Variants in CADM1 observed in about 807,000 individuals in gnomAD.
CADM1 encodes the protein TSLC-1.
Under a neutral mutation model 53.1 loss-of-function variants are expected in CADM1, and 15 were observed. The ratio of observed to expected loss-of-function variants is 0.28; its 90% confidence interval spans 0.19 to 0.44. The LOEUF is 0.44. CADM1 is among the 20% of genes least tolerant of loss of function. The probability of loss-of-function intolerance (pLI) is 1.00; values close to 1 mark genes in which losing one functional copy is unlikely to be tolerated. For missense variants in CADM1, 434 were observed against 611.3 expected, an observed-to-expected ratio of 0.71 and a Z score of 3.06; for synonymous variants, 281 against 243.0, an observed-to-expected ratio of 1.16 and a Z score of -1.45.
chr11:115,253,989 A>G (rs1942692567), intron 1 of CADM1, among the ~76,000 whole-genome samples: 1 of 152,200 alleles, frequency 6.6e-6, no homozygotes, highest in Non-Finnish European at 1.5e-5. Context: ...ATTCTCACAC[A>G]TAATAATGGG....
intron 1 of CADM1, among the ~76,000 whole-genome samples, chr11:115,465,783 CT>C (rs138526424): frequency 0.28 from 41,950 of 151,834 alleles, 6,543 homozygotes; most frequent in Non-Finnish European, 0.37. Context: ...GCCTCTATAA[CT>C]TTTTACAGGC....
chr11:115,477,524 T>G (rs568170027), intron 1 of CADM1, among the ~76,000 whole-genome samples: 1 of 152,248 alleles, frequency 6.6e-6, no homozygotes, highest in Non-Finnish European at 1.5e-5. Context: ...GTCAACACTG[T>G]GACCTAAAGT....
intron 8 of CADM1, among the ~76,000 whole-genome samples, chr11:115,201,313 T>C (rs534609867): frequency 4.7e-4 from 71 of 152,262 alleles, no homozygotes; most frequent in Non-Finnish European, 8.7e-4. Flanking sequence ...GGTATGCTAC[T>C]TGAACAGAGG....
Position 115,494,511 on chromosome 11 carries a change from T to A in CADM1, c.124+9760A>T, listed in dbSNP as rs1206681147. Among the ~76,000 whole-genome samples, 3 of 152,114 alleles carry A rather than the reference T, an allele frequency of 2.0e-5. No individual in the cohort carries two copies. The East Asian group carries it at 5.8e-4, about 29-fold the overall frequency. ...AATTAGAGATTATAATCATTGTCAGTTTCCCCAAGATTACAAAATGATTCC... is the reference window on the plus strand; with the variant it reads ...AATTAGAGATTATAATCATTGTCAGATTCCCCAAGATTACAAAATGATTCC... On this transcript the variant is annotated intron_variant, in intron 1 of 11. Coordinates refer to ENST00000331581, the MANE Select transcript of CADM1 (RefSeq NM_001301043.2).
At chr11:115,448,625 C>T (rs1948504084) in intron 1 of CADM1, among the ~76,000 whole-genome samples, 1 of 150,380 alleles carries the variant, frequency 6.6e-6, no homozygotes, top group South Asian at 2.1e-4. Context: ...AGAACATTTC[C>T]CAGCCAAGAA....
intron 1 of CADM1, among the ~76,000 whole-genome samples, chr11:115,440,235 A>G (rs1403128168): frequency 1.3e-5 from 2 of 152,204 alleles, no homozygotes; most frequent in South Asian, 2.1e-4. Flanking sequence ...TGGATACGCT[A>G]AACAGCAAAC....
chr11:115,424,114 G>A (rs1200809662), intron 1 of CADM1, among the ~76,000 whole-genome samples: 1 of 152,186 alleles, frequency 6.6e-6, no homozygotes, highest in Non-Finnish European at 1.5e-5. Flanking sequence ...TATCGAGGTG[G>A]GGAAACGACA....
At chr11:115,473,572 G>C (rs1949062869) in intron 1 of CADM1, among the ~76,000 whole-genome samples, 1 of 152,152 alleles carries the variant, frequency 6.6e-6, no homozygotes, top group Non-Finnish European at 1.5e-5. Context: ...CAGGTGCAAA[G>C]TCAGTTAAAA....
At chr11:115,288,275 C>T (rs1943784395) in intron 1 of CADM1, among the ~76,000 whole-genome samples, 1 of 152,046 alleles carries the variant, frequency 6.6e-6, no homozygotes, top group Non-Finnish European at 1.5e-5. Flanking sequence ...CTAGCAGGAC[C>T]TCACACATAG....
chr11:115,415,823 CAAAAAAAAAAAAAAA>C (rs71066426), intron 1 of CADM1, among the ~76,000 whole-genome samples: 3 of 43,660 alleles, frequency 6.9e-5, no homozygotes, highest in East Asian at 1.1e-3. Flanking sequence ...AGACTGTCTC[CAAAAAAAAAAAAAAA>C]AAAAAAAAAA....
chr11:115,422,288 A>G (rs1193527712), intron 1 of CADM1, among the ~76,000 whole-genome samples: 1 of 152,198 alleles, frequency 6.6e-6, no homozygotes, highest in Non-Finnish European at 1.5e-5. Context: ...TTTAAACATA[A>G]TACTCAAGTT....
intron 1 of CADM1, among the ~76,000 whole-genome samples, chr11:115,390,884 T>C (rs950119741): frequency 1.3e-5 from 2 of 152,222 alleles, no homozygotes; most frequent in Non-Finnish European, 2.9e-5. Flanking sequence ...GCCAATAAAA[T>C]AATTAAAATT....
intron 1 of CADM1, among the ~76,000 whole-genome samples, chr11:115,286,485 T>G (rs1436873484): frequency 6.6e-6 from 1 of 152,228 alleles, no homozygotes; most frequent in Admixed American, 6.5e-5. Context: ...GGAGTTTAAA[T>G]GCAGTGACCT....
chr11:115,178,310 T>G (rs1474563702), intron 11 of CADM1, among the ~76,000 whole-genome samples: 1 of 152,118 alleles, frequency 6.6e-6, no homozygotes, highest in Non-Finnish European at 1.5e-5. Flanking sequence ...CTTTGCGGCT[T>G]CATGCCACAC....
chr11:115,498,362 T>C (rs1284999532), intron 1 of CADM1, among the ~76,000 whole-genome samples: 1 of 152,240 alleles, frequency 6.6e-6, no homozygotes, highest in Non-Finnish European at 1.5e-5. Context: ...ATTTATACCA[T>C]GGAGGCCTTT....
chr11:115,296,561 C>T (rs899422165), intron 1 of CADM1, among the ~76,000 whole-genome samples: 2 of 152,144 alleles, frequency 1.3e-5, no homozygotes, highest in Non-Finnish European at 2.9e-5. Flanking sequence ...CTTCAGGTTT[C>T]CTCCTCTTTG....
At chr11:115,396,372 T>C (rs1217856976) in intron 1 of CADM1, among the ~76,000 whole-genome samples, 1 of 152,224 alleles carries the variant, frequency 6.6e-6, no homozygotes. Flanking sequence ...TAGCATAGGA[T>C]TAAAAACATA....
chr11:115,472,029 C>A (rs941870536), intron 1 of CADM1, among the ~76,000 whole-genome samples: 1 of 152,142 alleles, frequency 6.6e-6, no homozygotes, highest in African/African-American at 2.4e-5. Context: ...CAGGCACAGA[C>A]AATCAGCAGA....
intron 1 of CADM1, among the ~76,000 whole-genome samples, chr11:115,401,819 T>C (rs2135216861): frequency 6.6e-6 from 1 of 152,274 alleles, no homozygotes; most frequent in East Asian, 1.9e-4. Context: ...GGTGTGTCAG[T>C]GTAGGTTCAT....
Sources: gnomAD v4.1 joint callset for allele counts (sites outside exome capture counted in the v4.1 genomes callset) on GRCh38, gnomAD v4.1.1 for gene constraint, MANE v1.5 for transcripts, NCBI Gene and HGNC (gene_info 2026-07-23, HGNC 2026-07-21) for gene names.